Variants in MYRIP observed in about 807,000 individuals in gnomAD.
The protein encoded by MYRIP is myosin VIIA and Rab interacting protein.
In MYRIP, 49 loss-of-function variants were observed where a neutral mutation model predicts 98.0. The observed-to-expected ratio is 0.50, with a 90% CI of 0.40 to 0.63. The LOEUF is 0.63. Ranked by LOEUF, MYRIP falls within the 30% of genes least tolerant of loss-of-function variation. MYRIP has a pLI of 0.00. For synonymous variants in MYRIP, 404 were observed against 409.5 expected (o/e 0.99, Z 0.16); for missense variants, 1,004 against 1,058.2 (o/e 0.95, Z 0.71).
Position 40,182,341 on chromosome 3 carries a change from G to C in MYRIP, c.995G>C (p.Ser332Thr), listed in dbSNP as rs750421660. 3.9e-5 allele frequency: 63 copies of C among 1,613,458 alleles called. No individual in the cohort carries two copies. Among genetic ancestry groups the C allele is most frequent in the African/African-American group, 5.3e-5 (4 of 74,910 alleles). Reference protein sequence around the residue: ...QHPRAESALPSWKSVDRLDET... With the variant: ...QHPRAESALPTWKSVDRLDET... The stretch of plus-strand genomic sequence containing the variant: ...CCGAGAGCAGAGTCTGCTCTGCCCA[G>C]CTGGAAGAGTGTGGACAGGCTGGAT... The change falls in exon 9 of 17, where the codon AGC becomes ACC. Residue 332 changes from serine (S) to threonine (T), a missense_variant. Transcript: ENST00000302541.
chr3:40,013,757 T>A (rs1476827134), intron 2 of MYRIP, among the ~76,000 whole-genome samples: 3 of 152,246 alleles, frequency 2.0e-5, no homozygotes, highest in Non-Finnish European at 4.4e-5. Context: ...ATCATCACTG[T>A]GCAACTAAAT....
chr3:40,157,629 C>A (rs1316196009), intron 4 of MYRIP, among the ~76,000 whole-genome samples: 10 of 146,854 alleles, frequency 6.8e-5, no homozygotes, highest in African/African-American at 2.5e-4. Context: ...TGGTCCTGGA[C>A]TCTTTTTGGT....
chr3:40,079,890 A>C (rs773214309), intron 3 of MYRIP, among the ~76,000 whole-genome samples: 54 of 152,368 alleles, frequency 3.5e-4, no homozygotes, highest in African/African-American at 1.2e-3. Flanking sequence ...TTCTAATTAT[A>C]TACAGATTTT....
chr3:40,167,095 C>A, intron 6 of MYRIP, 64 bp from the exon 7 acceptor site: 1 of 1,535,286 alleles, frequency 6.5e-7, no homozygotes, highest in Non-Finnish European at 9.0e-7. Context: ...ACTCTCCTGG[C>A]AAAGTGACTG....
chr3:39,899,488 C>T (rs1409912968), intron 1 of MYRIP, among the ~76,000 whole-genome samples: 4 of 152,056 alleles, frequency 2.6e-5, no homozygotes, highest in East Asian at 1.9e-4. Context: ...TATGTGAAAT[C>T]GCCATTTTTA....
chr3:40,064,784 TGTTGA>T (rs905810529), intron 3 of MYRIP, among the ~76,000 whole-genome samples: 2 of 152,170 alleles, frequency 1.3e-5, no homozygotes, highest in Non-Finnish European at 2.9e-5. Flanking sequence ...AATGAGCTTG[TGTTGA>T]GTTGAGAAGA....
intron 9 of MYRIP, among the ~76,000 whole-genome samples, chr3:40,188,768 ACT>A (rs762991056): frequency 2.3e-5 from 2 of 87,854 alleles, no homozygotes; most frequent in Non-Finnish European, 3.0e-5. Context: ...CAAGAGTGAA[ACT>A]CTGTCTCAAA....
chr3:39,835,291 T>C (rs1407665329), intron 1 of MYRIP, among the ~76,000 whole-genome samples: 3 of 152,124 alleles, frequency 2.0e-5, no homozygotes, highest in Admixed American at 6.5e-5. Context: ...TGTTTATTAT[T>C]TTTCTTAAGG....
intron 2 of MYRIP, among the ~76,000 whole-genome samples, chr3:39,938,847 A>T (rs1944717075): frequency 6.6e-6 from 1 of 152,100 alleles, no homozygotes; most frequent in South Asian, 2.1e-4. Context: ...CTAATATAAC[A>T]GATGAGAAAG....
chr3:39,967,052 A>G (rs1242394305), intron 2 of MYRIP, among the ~76,000 whole-genome samples: 1 of 152,198 alleles, frequency 6.6e-6, no homozygotes, highest in Non-Finnish European at 1.5e-5. Flanking sequence ...TAATGTAACC[A>G]TAGTTATCTG....
chr3:40,194,394 A>G (rs188885241), intron 10 of MYRIP, among the ~76,000 whole-genome samples: 1 of 151,830 alleles, frequency 6.6e-6, no homozygotes, highest in East Asian at 1.9e-4. Flanking sequence ...TTTACTTTCT[A>G]TTTTGTTCCA....
chr3:40,248,447 T>C (rs543232361), intron 13 of MYRIP: 1 of 152,294 alleles, frequency 6.6e-6, no homozygotes, highest in Non-Finnish European at 1.5e-5. Flanking sequence ...TTCTAGCAAA[T>C]GTATAGCTCC....
At chr3:40,134,975 C>A (rs998037477) in intron 3 of MYRIP, among the ~76,000 whole-genome samples, 1 of 152,288 alleles carries the variant, frequency 6.6e-6, no homozygotes, top group East Asian at 1.9e-4. Flanking sequence ...AATCAGAGCA[C>A]CTCTCCTCCT....
chr3:39,938,596 G>A (rs1346362539), intron 2 of MYRIP, among the ~76,000 whole-genome samples: 1 of 152,096 alleles, frequency 6.6e-6, no homozygotes, highest in Non-Finnish European at 1.5e-5. Context: ...TAACATATGA[G>A]GGTTCTGATT....
At chr3:40,254,355 A>AT (rs990138507) in intron 16 of MYRIP, among the ~76,000 whole-genome samples, 122 of 150,850 alleles carry the variant, frequency 8.1e-4, no homozygotes, top group South Asian at 2.7e-3. Context: ...GTGAATCTGC[A>AT]TTTTTTTTTA....
intron 7 of MYRIP, among the ~76,000 whole-genome samples, chr3:40,168,032 T>C (rs1024941763): frequency 1.3e-5 from 2 of 152,194 alleles, no homozygotes; most frequent in African/African-American, 4.8e-5. Context: ...AAATGATTGA[T>C]TACCTGATTG....
At chr3:40,008,680 C>G (rs1173056468) in intron 2 of MYRIP, among the ~76,000 whole-genome samples, 1 of 152,202 alleles carries the variant, frequency 6.6e-6, no homozygotes, top group Non-Finnish European at 1.5e-5. Flanking sequence ...CTGCAGGACT[C>G]CTTACATCAC....
intron 1 of MYRIP, among the ~76,000 whole-genome samples, chr3:39,874,033 T>A (rs1432593638): frequency 0.017 from 2,593 of 150,048 alleles, 75 homozygotes; most frequent in African/African-American, 0.06. Context: ...GGTTTGTAGT[T>A]CTCCTTGAAG....
intron 8 of MYRIP, among the ~76,000 whole-genome samples, chr3:40,176,815 A>G (rs929512066): frequency 4.0e-5 from 6 of 150,786 alleles, no homozygotes; most frequent in Non-Finnish European, 7.4e-5. Flanking sequence ...AGGCCGAGGC[A>G]GGAGAATTGC....
Sources: gnomAD v4.1 joint callset for allele counts (sites outside exome capture counted in the v4.1 genomes callset) on GRCh38, gnomAD v4.1.1 for gene constraint, MANE v1.5 for transcripts, NCBI Gene and HGNC (gene_info 2026-07-23, HGNC 2026-07-21) for gene names.